CNTNAP3: variants seen among roughly 807,000 people sequenced by gnomAD.
CNTNAP3 encodes contactin-associated protein-like 3.
Under a neutral mutation model 92.1 loss-of-function variants are expected in CNTNAP3, and 36 were observed. The observed-to-expected ratio is 0.39, with a 90% confidence interval of 0.30 to 0.52. The LOEUF (loss-of-function observed/expected upper bound fraction) is 0.52. CNTNAP3 is among the 20% of genes least tolerant of loss of function. The pLI is 0.76. For missense variants in CNTNAP3, 534 were observed against 1,069.6 expected (o/e 0.50, Z 6.98); for synonymous variants, 232 against 422.3 (o/e 0.55, Z 5.53).
rs764605578 is a variant in CNTNAP3, at chr9:39,133,068, G to A, written c.1944C>T (p.Ser648=). The A allele has an allele frequency of 3.6e-4, 563 of 1,559,844 alleles. 1 individual carries two copies. Among genetic ancestry groups the A allele is most frequent in the Middle Eastern group, 1.5e-3 (7 of 4,664 alleles). The part of the protein sequence containing the change: ...PDAVTLRGAP[S]GHPRSAVSFA... ...AGGACACAGCCGAGCGCGGGTGCCC[G>A]CTGGGGGCACCTCGGAGGGTCACCG... is the stretch of plus-strand genomic sequence containing the variant. The change falls in exon 13 of 24, where the codon AGC becomes AGT. Residue 648 remains serine (S), a synonymous_variant. Coordinates refer to ENST00000297668, the MANE Select transcript of CNTNAP3 (RefSeq NM_033655.5).
At chr9:39,095,832 T>C (rs1379286660) in intron 18 of CNTNAP3, among the ~76,000 whole-genome samples, 1 of 150,574 alleles carries the variant, frequency 6.6e-6, no homozygotes, top group Non-Finnish European at 1.5e-5. Flanking sequence ...AAGTTATTTC[T>C]ACATAGCTCT....
intron 13 of CNTNAP3, among the ~76,000 whole-genome samples, chr9:39,127,484 A>G (rs983752868): frequency 1.3e-5 from 2 of 152,168 alleles, no homozygotes; most frequent in African/African-American, 4.8e-5. Flanking sequence ...TGAATCGAAA[A>G]TCTAGTTCTA....
At chr9:39,093,480 T>G (rs1000987263) in intron 18 of CNTNAP3, among the ~76,000 whole-genome samples, 1 of 151,258 alleles carries the variant, frequency 6.6e-6, no homozygotes, top group African/African-American at 2.4e-5. Context: ...ACCCAAAATT[T>G]GTCATCATCC....
At chr9:39,115,422 T>C (rs200638928) in intron 14 of CNTNAP3, among the ~76,000 whole-genome samples, 2,992 of 151,312 alleles carry the variant, frequency 0.02, 54 homozygotes, top group East Asian at 0.1. Context: ...AATTCCATTT[T>C]TATAAACTGA....
chr9:39,085,604 G>A, intron 21 of CNTNAP3, 132 bp downstream of exon 21: 7 of 794,072 alleles, frequency 8.8e-6, no homozygotes, highest in Non-Finnish European at 1.4e-5. Flanking sequence ...CAAGAGTACA[G>A]TTTGCACCTT....
Position 39,068,204 on chromosome 9 carries a change from C to A in CNTNAP3, c.*5686G>T, listed in dbSNP as rs1166941703. ...CATGAGATCCAGAGATCGAGACCATCCTGGCTAACACGGTGAAACCTTGCC... is the reference window on the plus strand; with the variant it reads ...CATGAGATCCAGAGATCGAGACCATACTGGCTAACACGGTGAAACCTTGCC... On this transcript the variant is annotated 3_prime_UTR_variant, in exon 24 of 24. Coordinates refer to ENST00000297668, the MANE Select transcript of CNTNAP3 (RefSeq NM_033655.5). Among the ~76,000 whole-genome samples the A allele has an allele frequency of 6.6e-6, 1 of 152,028 alleles. No individual in the cohort carries two copies. The highest frequency in any genetic ancestry group is 1.5e-5 in the Non-Finnish European group (1 of 68,042).
intron 14 of CNTNAP3, among the ~76,000 whole-genome samples, chr9:39,113,058 A>G (rs1006029930): frequency 6.6e-6 from 1 of 151,428 alleles, no homozygotes; most frequent in Non-Finnish European, 1.5e-5. Context: ...TTTTGGGCTA[A>G]TTTTTTTTTG....
intron 9 of CNTNAP3, among the ~76,000 whole-genome samples, chr9:39,162,826 T>C (rs1822102300): frequency 6.8e-6 from 1 of 146,900 alleles, no homozygotes; most frequent in Admixed American, 6.7e-5. Context: ...GGGTGGAGGG[T>C]AGGAGGAGGG....
At chr9:39,118,992 G>A (rs1368102883) in intron 13 of CNTNAP3, among the ~76,000 whole-genome samples, 1 of 152,076 alleles carries the variant, frequency 6.6e-6, no homozygotes, top group East Asian at 1.9e-4. Context: ...TGCTGCCAGG[G>A]GTTGGGAGTG....
chr9:39,129,684 G>A (rs531024976), intron 13 of CNTNAP3, among the ~76,000 whole-genome samples: 88 of 152,116 alleles, frequency 5.8e-4, no homozygotes, highest in African/African-American at 2.0e-3. Context: ...GTTAAGAGTC[G>A]ATGAATAGGC....
At position 39,071,019 on chromosome 9, in the gene CNTNAP3, C is replaced by T. The variant is rs890386588; in HGVS notation, c.*2871G>A. Among the ~76,000 whole-genome samples, 4 of 152,306 alleles carry T rather than the reference C, an allele frequency of 2.6e-5. No homozygotes were observed. The highest frequency in any genetic ancestry group is 4.1e-4 in the South Asian group (2 of 4,832). On this transcript the variant is annotated 3_prime_UTR_variant, in exon 24 of 24. Transcript: ENST00000297668. ...AGAGAAGTGCCAGGAGTTCAGTCCA[C>T]GCATGACAACTTACTAGTACTGCCT... is the stretch of plus-strand genomic sequence containing the variant.
At chr9:39,108,304 G>T (rs1826656648) in intron 15 of CNTNAP3, among the ~76,000 whole-genome samples, 1 of 151,948 alleles carries the variant, frequency 6.6e-6, no homozygotes, top group Admixed American at 6.6e-5. Flanking sequence ...AGTACGCATC[G>T]ATAGTGATGT....
intron 21 of CNTNAP3, chr9:39,085,509 G>A: frequency 3.8e-6 from 2 of 525,874 alleles, no homozygotes; most frequent in Non-Finnish European, 6.8e-6. Flanking sequence ...TGCCAAGTGA[G>A]AGGTTAAGTG....
rs1458844774 is a variant in CNTNAP3 at position 39,071,698 on chromosome 9, G to A, written c.*2192C>T. Among the ~76,000 whole-genome samples the A allele has an allele frequency of 6.6e-6, 1 of 150,612 alleles. No homozygotes were observed. Among genetic ancestry groups the A allele is most frequent in the Non-Finnish European group, 1.5e-5 (1 of 67,684 alleles). On this transcript the variant is annotated 3_prime_UTR_variant, in exon 24 of 24. Transcript: ENST00000297668. ...ATTTTAGTAAGTTGACTGTTAGATG[G>A]TTGCTCTTTGGCAGAAGTTTAAATA...
rs12551485 is a variant in CNTNAP3, at chr9:39,141,084, C to T, written c.1757-446G>A. On this transcript the variant is annotated intron_variant, in intron 11 of 23. Coordinates refer to ENST00000297668, the MANE Select transcript of CNTNAP3 (RefSeq NM_033655.5). ...TTTTAGGCAAGAAAGCATGCAAACT[C>T]TGAAGCACAGTGTAAAACACTTGAA... Among the ~76,000 whole-genome samples the T allele has an allele frequency of 2.6e-5, 4 of 152,186 alleles. No homozygotes were observed. In the South Asian group the frequency reaches 8.3e-4, roughly 32 times the overall value.
intron 21 of CNTNAP3, chr9:39,084,836 G>T (rs1826031292): frequency 6.6e-6 from 1 of 151,696 alleles, no homozygotes; most frequent in African/African-American, 2.4e-5. Context: ...CAGGCAAAAT[G>T]AATATTTATA....
intron 1 of CNTNAP3, among the ~76,000 whole-genome samples, chr9:39,271,921 G>GTT (rs1173998046): frequency 0.061 from 723 of 11,816 alleles, 233 homozygotes; most frequent in African/African-American, 0.16. Flanking sequence ...AGTTTACATA[G>GTT]TTTTTTTTTT....
At position 39,110,778 on chromosome 9, in the gene CNTNAP3, T is replaced by C. The variant is rs1176156390; in HGVS notation, c.2238-1491A>G. Among the ~76,000 whole-genome samples the C allele has an allele frequency of 4.6e-5, 7 of 152,214 alleles. 1 individual carries two copies. Among genetic ancestry groups the C allele is most frequent in the Admixed American group, 1.3e-4 (2 of 15,282 alleles). On this transcript the variant is annotated intron_variant, in intron 14 of 23. Transcript: ENST00000297668. ...ATAATAAATATTGCATATATGCATA[T>C]ATAACAAAATGCTTATATTTATATA...
At chr9:39,144,482 T>G in intron 10 of CNTNAP3, 136 bp from the exon 11 acceptor site, 1 of 1,359,770 alleles carries the variant, frequency 7.4e-7, no homozygotes, top group Non-Finnish European at 9.7e-7. Flanking sequence ...ATGACGTGAT[T>G]ACTGGGTCTG....
Sources: allele counts gnomAD v4.1 joint callset (sites outside exome capture counted in the v4.1 genomes callset), GRCh38; gene constraint gnomAD v4.1.1; transcripts MANE v1.5; gene names NCBI Gene and HGNC (gene_info 2026-07-23, HGNC 2026-07-21).